The following SENP7 variants were observed in gnomAD, a reference collection of about 807,000 sequenced individuals.
The protein encoded by SENP7 is SUMO specific peptidase 7.
A neutral mutation model predicts 141.2 loss-of-function variants in SENP7; 64 were observed. The ratio of observed to expected loss-of-function variants is 0.45; its 90% CI spans 0.37 to 0.56. SENP7 has a LOEUF of 0.56. SENP7 is among the 20% of genes least tolerant of loss of function. The pLI, the probability that SENP7 is intolerant of heterozygous loss-of-function variation, is 0.00. For missense variants in SENP7, 1,025 were observed against 1,212.2 expected (o/e 0.85, Z 2.29); for synonymous variants, 382 against 426.4 (o/e 0.90, Z 1.28).
In SENP7 at chr3:101,325,682, A is replaced by G. The variant is rs1399655807; in HGVS notation, c.*261T>C. 2.1e-4 allele frequency: 41 copies of G among 197,128 alleles called. 1 individual carries two copies. The highest frequency in any genetic ancestry group is 2.0e-5 in the Non-Finnish European group (2 of 98,564). 12.2% of individuals were successfully genotyped at this position (197,128 alleles called of 1,614,324 possible). On this transcript the variant is annotated 3_prime_UTR_variant, in exon 24 of 24. Coordinates refer to ENST00000394095, the MANE Select transcript of SENP7 (RefSeq NM_020654.5). Reference sequence around the variant, plus strand: ...ATATGCTGTTGCATAATCCAATCATATTTACTCAGAAAAATATGAAATATT... The same window carrying G: ...ATATGCTGTTGCATAATCCAATCATGTTTACTCAGAAAAATATGAAATATT...
At position 101,417,641 on chromosome 3, in the gene SENP7, G is replaced by A. The variant is rs781684684; in HGVS notation, c.434C>T (p.Thr145Ile). 6.8e-6 allele frequency: 11 copies of A among 1,613,896 alleles called. No homozygotes were observed. The South Asian group carries it at 1.1e-4, about 16-fold the overall frequency. ...LPSTSVDSLETCQKLEPLRQS... is the reference protein window; with the variant it reads ...LPSTSVDSLEICQKLEPLRQS... The stretch of plus-strand genomic sequence containing the variant: ...GCGAAGAGGTTCTAATTTTTGACAT[G>A]TCTCTAGGCTGTCAACAGATGTCGA... Residue 145 changes from threonine to isoleucine, a missense_variant, in exon 5 of 24, where the codon ACA (threonine) becomes ATA (isoleucine). Thr to Ile is a moderately conservative substitution (Grantham distance 89). Around this residue, in one of 4 missense-constraint regions of SENP7, gnomAD observed 496 missense variants for 503.5 expected, o/e 0.99. Coordinates refer to ENST00000394095, the MANE Select transcript of SENP7 (RefSeq NM_020654.5).
chr3:101,340,693 C>CA (rs559866680), intron 15 of SENP7, among the ~76,000 whole-genome samples: 111 of 151,972 alleles, frequency 7.3e-4, no homozygotes, highest in African/African-American at 2.4e-3. Flanking sequence ...AGCAGCTGGA[C>CA]AAAAAAGAAA....
chr3:101,417,825 C>T (rs1434213479), intron 4 of SENP7, 35 bp from the exon 5 acceptor site: 1 of 1,473,718 alleles, frequency 6.8e-7, no homozygotes, highest in Non-Finnish European at 9.5e-7. Flanking sequence ...ATATATGGTA[C>T]TACACATTGT....
At position 101,457,571 on chromosome 3, in the gene SENP7, T is replaced by G. The variant is rs2063396157; in HGVS notation, c.284+1384A>C. ...CCTCTTCAATACCAAAGATATTGTT[T>G]ACCCCTAACTTCTTTAAGGAGAACT... On this transcript the variant is annotated intron_variant, in intron 4 of 23. Coordinates refer to ENST00000394095, the MANE Select transcript of SENP7 (RefSeq NM_020654.5). The G allele has an allele frequency of 1.9e-6, 3 of 1,595,326 alleles. 1 individual carries two copies. In the African/African-American group the frequency reaches 4.0e-5, roughly 21 times the overall value.
At chr3:101,507,860 C>T (rs1479333190) in intron 1 of SENP7, among the ~76,000 whole-genome samples, 1 of 151,840 alleles carries the variant, frequency 6.6e-6, no homozygotes, top group African/African-American at 2.4e-5. Context: ...ACCATCCTAG[C>T]CAACATGGTG....
chr3:101,437,383 A>C (rs1184547716), intron 4 of SENP7, among the ~76,000 whole-genome samples: 1 of 152,246 alleles, frequency 6.6e-6, no homozygotes. Context: ...TGGATTGTTC[A>C]TAACTCAAAG....
Position 101,417,755 on chromosome 3 carries a change from G to A in SENP7, c.320C>T (p.Thr107Met), listed in dbSNP as rs2061669160. The stretch of plus-strand genomic sequence containing the variant: ...CTTTCTGAATTTTCGTCCTAAATCC[G>A]TCCATAGGACATTCGTCAACATAAC... ...LKVMLTNVLW[T>M]DLGRKFRKTL... The change falls in exon 5 of 24, where the codon ACG becomes ATG. Residue 107 changes from threonine to methionine, a missense_variant. Thr to Met is a moderately conservative substitution (Grantham distance 81, BLOSUM62 -1). Coordinates refer to ENST00000394095, the MANE Select transcript of SENP7 (RefSeq NM_020654.5). 1.9e-6 allele frequency: 3 copies of A among 1,613,778 alleles called. No individual in the cohort carries two copies. The highest frequency in any genetic ancestry group is 1.7e-5 in the Admixed American group (1 of 60,006).
rs563963663 is a variant in SENP7, at chr3:101,438,995, C to T, written c.284+19960G>A. ...GGAGTGTCTCTGCCTGGCTGCCCAT[C>T]GTCTGGGATGTGAGGAGCCCCTCTG... On this transcript the variant is annotated intron_variant, in intron 4 of 23. Transcript: ENST00000394095. Among the ~76,000 whole-genome samples, 129 of 135,772 alleles carry T rather than the reference C, an allele frequency of 9.5e-4. 1 individual carries two copies. Among genetic ancestry groups the T allele is most frequent in the African/African-American group, 3.2e-3 (122 of 37,912 alleles). The allele number at this position is 135,772 out of a possible 152,430, so 89.1% of individuals were successfully genotyped here. A position where few individuals can be genotyped will look rare whatever the true frequency, so the allele number is the denominator to read the frequency against.
At chr3:101,371,549 A>T (rs1156246685) in intron 7 of SENP7, among the ~76,000 whole-genome samples, 1 of 152,212 alleles carries the variant, frequency 6.6e-6, no homozygotes, top group African/African-American at 2.4e-5. Context: ...AATTTTCACA[A>T]GTCTAGGAAG....
At chr3:101,374,111 C>T (rs2060253201) in intron 6 of SENP7, among the ~76,000 whole-genome samples, 1 of 151,992 alleles carries the variant, frequency 6.6e-6, no homozygotes, top group Non-Finnish European at 1.5e-5. Context: ...AGAGACATAT[C>T]GACCATAGAA....
intron 6 of SENP7, among the ~76,000 whole-genome samples, chr3:101,397,861 T>TTCA (rs2061014675): frequency 6.6e-6 from 1 of 152,158 alleles, no homozygotes; most frequent in Admixed American, 6.5e-5. Flanking sequence ...TTCAGAAGCT[T>TTCA]GTAGCAAATG....
At chr3:101,329,407 C>T (rs986305900) in intron 20 of SENP7, among the ~76,000 whole-genome samples, 1 of 152,054 alleles carries the variant, frequency 6.6e-6, no homozygotes, top group African/African-American at 2.4e-5. Context: ...AAGCCTTCCT[C>T]CGTAAGAAGT....
At position 101,458,969 on chromosome 3, in the gene SENP7, C is replaced by T. The variant is rs974134862; in HGVS notation, c.270G>A (p.Lys90=). 4 of 1,603,578 alleles carry T rather than the reference C, an allele frequency of 2.5e-6. No individual in the cohort carries two copies. The highest frequency in any genetic ancestry group is 1.7e-4 in the Middle Eastern group (1 of 6,038). The change falls in exon 4 of 24, where the codon AAG becomes AAA. Residue 90 remains lysine, a synonymous_variant. Coordinates refer to ENST00000394095, the MANE Select transcript of SENP7 (RefSeq NM_020654.5). ...ACATATCTTACCTTTCTGGTGATGACTTGGAAGTAACAGGACACCCTCGGA... is the reference window on the plus strand; with the variant it reads ...ACATATCTTACCTTTCTGGTGATGATTTGGAAGTAACAGGACACCCTCGGA... ...KHIRGCPVTS[K]SSPERQLKVM...
rs9846503 is a variant in SENP7 at position 101,447,934 on chromosome 3, T to C, written c.284+11021A>G. On this transcript the variant is annotated intron_variant, in intron 4 of 23. Coordinates refer to ENST00000394095, the MANE Select transcript of SENP7 (RefSeq NM_020654.5). ...GAATGCAGAAATAAACCCTAACATT[T>C]ACTATCAATTGATATCTCACAAAGA... Among the ~76,000 whole-genome samples the C allele has an allele frequency of 5.0e-3, 757 of 152,322 alleles. 4 individuals are homozygous for C. Among genetic ancestry groups the C allele is most frequent in the African/African-American group, 0.017 (724 of 41,578 alleles).
At chr3:101,381,339 T>C (rs1417784980) in intron 6 of SENP7, among the ~76,000 whole-genome samples, 3 of 152,104 alleles carry the variant, frequency 2.0e-5, no homozygotes, top group Non-Finnish European at 4.4e-5. Flanking sequence ...TATTAACTGC[T>C]CTCCTATCTA....
Position 101,361,878 on chromosome 3 carries a change from C to T in SENP7, c.1477-17G>A, listed in dbSNP as rs1479478468. On this transcript the variant is annotated splice_polypyrimidine_tract_variant and intron_variant, in intron 10 of 23. Transcript: ENST00000394095. ...AGATGACATCTAACAAGGAATAAAT[C>T]ATAAAATGCATATAATTCTTAAGTA... 6.3e-7 allele frequency: 1 copy of T among 1,575,604 alleles called. No individual in the cohort carries two copies. The highest frequency in any genetic ancestry group is 8.6e-7 in the Non-Finnish European group (1 of 1,166,838).
chr3:101,365,024 A>G (rs367562939), intron 9 of SENP7, 33 bp from the exon 10 acceptor site: 3 of 1,187,956 alleles, frequency 2.5e-6, no homozygotes, highest in Admixed American at 3.7e-5. Flanking sequence ...ATTTTTGTTT[A>G]TTTATTTATT....
At chr3:101,435,097 G>A (rs1033934950) in intron 4 of SENP7, among the ~76,000 whole-genome samples, 5 of 152,082 alleles carry the variant, frequency 3.3e-5, no homozygotes, top group African/African-American at 1.2e-4. Context: ...TTATCCCTAT[G>A]ATGCAAAGAT....
chr3:101,329,522 G>C (rs998880020), intron 20 of SENP7, among the ~76,000 whole-genome samples: 8 of 151,956 alleles, frequency 5.3e-5, no homozygotes, highest in Non-Finnish European at 7.4e-5. Context: ...TCTTAATTTA[G>C]AACACTGAAT....
Sources: allele counts gnomAD v4.1 joint callset (sites outside exome capture counted in the v4.1 genomes callset), GRCh38; gene constraint gnomAD v4.1.1; regional missense constraint gnomAD v4.1.1; transcripts MANE v1.5; gene names NCBI Gene and HGNC (gene_info 2026-07-23, HGNC 2026-07-21).